NRXN3: variants seen among roughly 807,000 people sequenced by gnomAD.
The protein encoded by NRXN3 is neurexin 3.
Under a neutral mutation model 137.6 loss-of-function variants are expected in NRXN3, and 32 were observed. That is an observed-to-expected ratio of 0.23 (90% CI 0.18 to 0.31). The LOEUF (loss-of-function observed/expected upper bound fraction) is 0.31, where lower values mean the gene tolerates loss of function less well. NRXN3 is among the 10% of genes least tolerant of loss of function. NRXN3 has a pLI of 1.00. For synonymous variants in NRXN3, 798 were observed against 784.5 expected, an observed-to-expected ratio of 1.02 and a Z score of -0.29; for missense variants, 1,574 against 2,062.5, an observed-to-expected ratio of 0.76 and a Z score of 4.59.
At position 78,205,857 on chromosome 14, in the gene NRXN3, G is replaced by C. The variant is rs538475186; in HGVS notation, c.-704+35183G>C. ...ATCACTTTGGCTCCAGTGTGGGAAT[G>C]GGTGAGAGAGGACCAGGGCTGAATG... On this transcript the variant is annotated intron_variant, in intron 1 of 20. Transcript: ENST00000335750. Among the ~76,000 whole-genome samples, 6 of 152,326 alleles carry C rather than the reference G, an allele frequency of 3.9e-5. No individual in the cohort carries two copies. In the South Asian group the frequency reaches 1.2e-3, roughly 32 times the overall value.
At chr14:78,663,534 C>T (rs974550046) in intron 6 of NRXN3, among the ~76,000 whole-genome samples, 16 of 152,242 alleles carry the variant, frequency 1.1e-4, no homozygotes, top group African/African-American at 3.4e-4. Flanking sequence ...GCAATAGTTT[C>T]GTCTTGAGAT....
chr14:79,548,022 T>G (rs1470068872), intron 16 of NRXN3, among the ~76,000 whole-genome samples: 1 of 149,046 alleles, frequency 6.7e-6, no homozygotes, highest in African/African-American at 2.5e-5. Flanking sequence ...TGTTATTTCT[T>G]TTTTTTTTAA....
At chr14:79,536,276 G>A (rs1009865191) in intron 16 of NRXN3, among the ~76,000 whole-genome samples, 2 of 152,154 alleles carry the variant, frequency 1.3e-5, no homozygotes, top group Non-Finnish European at 1.5e-5. Flanking sequence ...AAGTACGTGT[G>A]ATCCATGATT....
chr14:78,839,556 G>T (rs1049391184), intron 10 of NRXN3, among the ~76,000 whole-genome samples: 1 of 152,196 alleles, frequency 6.6e-6, no homozygotes, highest in Non-Finnish European at 1.5e-5. Flanking sequence ...AGGAGGTGCA[G>T]ATCCTGAGAT....
chr14:78,433,661 G>A (rs1391140608), intron 4 of NRXN3, among the ~76,000 whole-genome samples: 1 of 152,132 alleles, frequency 6.6e-6, no homozygotes, highest in African/African-American at 2.4e-5. Context: ...TTGCGTGCAT[G>A]CTCTCTTCTA....
chr14:78,465,144 G>T (rs1322777182), intron 4 of NRXN3, among the ~76,000 whole-genome samples: 1 of 151,738 alleles, frequency 6.6e-6, no homozygotes, highest in Non-Finnish European at 1.5e-5. Context: ...AATGAGTTTT[G>T]GGCAGGAGAA....
intron 10 of NRXN3, among the ~76,000 whole-genome samples, chr14:78,942,232 C>T (rs1251571949): frequency 1.3e-5 from 2 of 152,204 alleles, no homozygotes; most frequent in African/African-American, 2.4e-5. Flanking sequence ...CACTTTCTTT[C>T]TCTCTACCAA....
intron 4 of NRXN3, among the ~76,000 whole-genome samples, chr14:78,609,165 G>A (rs968118962): frequency 6.6e-6 from 1 of 152,008 alleles, no homozygotes; most frequent in Non-Finnish European, 1.5e-5. Context: ...GACCTTGATT[G>A]ACTTGAGAAG....
chr14:79,417,171 G>A (rs929493336), intron 15 of NRXN3, among the ~76,000 whole-genome samples: 8 of 152,084 alleles, frequency 5.3e-5, no homozygotes, highest in Admixed American at 2.0e-4. Context: ...CATAGGCCAG[G>A]AATAGGTATG....
intron 4 of NRXN3, among the ~76,000 whole-genome samples, chr14:78,460,805 T>C (rs1272935922): frequency 3.3e-5 from 2 of 59,734 alleles, no homozygotes; most frequent in African/African-American, 6.4e-5. Flanking sequence ...GTCTATGATA[T>C]TGGGATTTTT....
chr14:78,443,376 G>A (rs1375801330), intron 4 of NRXN3, among the ~76,000 whole-genome samples: 1 of 152,198 alleles, frequency 6.6e-6, no homozygotes, highest in East Asian at 1.9e-4. Flanking sequence ...CATGCACTGT[G>A]CGCTCTGCCA....
chr14:79,259,497 A>G (rs2077241639), intron 15 of NRXN3, among the ~76,000 whole-genome samples: 1 of 150,522 alleles, frequency 6.6e-6, no homozygotes, highest in South Asian at 2.1e-4. Context: ...CATCAATAGA[A>G]TAAGGTTTTA....
intron 19 of NRXN3, among the ~76,000 whole-genome samples, chr14:79,793,117 T>C (rs2099150406): frequency 1.3e-5 from 2 of 152,002 alleles, no homozygotes; most frequent in Non-Finnish European, 2.9e-5. Context: ...CCTGGTACCT[T>C]TGAGAGAATA....
intron 4 of NRXN3, among the ~76,000 whole-genome samples, chr14:78,493,359 T>TA (rs11352302): frequency 0.014 from 1,971 of 144,066 alleles, 57 homozygotes; most frequent in East Asian, 0.098. Context: ...CTGTCTCTAT[T>TA]AAAAAAAAAA....
intron 16 of NRXN3, among the ~76,000 whole-genome samples, chr14:79,617,923 A>AAAAAAAAAAAAAAACAAAAAAAAC (rs2098177873): frequency 6.7e-6 from 1 of 149,758 alleles, no homozygotes; most frequent in African/African-American, 2.5e-5. Flanking sequence ...GCAGCAAAAA[A>AAAAAAAAAAAAAAACAAAAAAAAC]AAAAAAAAAC....
intron 20 of NRXN3, among the ~76,000 whole-genome samples, chr14:79,824,892 G>T (rs548582363): frequency 3.3e-5 from 5 of 152,074 alleles, no homozygotes; most frequent in Admixed American, 1.3e-4. Context: ...CTTATTCTAA[G>T]AATGTTCTTA....
chr14:79,157,004 T>C (rs1568453485), intron 15 of NRXN3, among the ~76,000 whole-genome samples: 1 of 151,758 alleles, frequency 6.6e-6, no homozygotes, highest in African/African-American at 2.4e-5. Flanking sequence ...CTTTGTAACA[T>C]TACTCTGGTT....
At chr14:79,392,713 T>C (rs1197468852) in intron 15 of NRXN3, among the ~76,000 whole-genome samples, 1 of 152,100 alleles carries the variant, frequency 6.6e-6, no homozygotes, top group Non-Finnish European at 1.5e-5. Context: ...GGCTCATGCC[T>C]GTAATCCCAG....
intron 13 of NRXN3, 58 bp from the exon 14 acceptor site, chr14:78,968,115 T>G (rs776786152): frequency 9.0e-6 from 9 of 995,486 alleles, no homozygotes; most frequent in Non-Finnish European, 1.2e-5. Flanking sequence ...ATCAAACTAG[T>G]TGACATGGTC....
Sources: allele counts gnomAD v4.1 joint callset (sites outside exome capture counted in the v4.1 genomes callset), GRCh38; gene constraint gnomAD v4.1.1; transcripts MANE v1.5; gene names NCBI Gene and HGNC (gene_info 2026-07-23, HGNC 2026-07-21).